Variants in NECTIN2 observed in about 807,000 individuals in gnomAD.
NECTIN2 encodes nectin-2.
In NECTIN2, 23 loss-of-function variants were observed where a neutral mutation model predicts 56.9. The observed-to-expected ratio is 0.40, with a 90% confidence interval of 0.29 to 0.57. The LOEUF is 0.57. Ranked by LOEUF, NECTIN2 falls within the 20% of genes least tolerant of loss-of-function variation. NECTIN2 has a pLI of 0.38. For synonymous variants in NECTIN2, 302 were observed against 313.8 expected (o/e 0.96, Z 0.40); for missense variants, 587 against 718.3 (o/e 0.82, Z 2.09).
At chr19:44,881,669 A>G (rs1287707868) in intron 5 of NECTIN2, among the ~76,000 whole-genome samples, 3 of 152,082 alleles carry the variant, frequency 2.0e-5, no homozygotes, top group African/African-American at 7.2e-5. Flanking sequence ...CCTGGGTGAC[A>G]AAGCGAGACC....
At chr19:44,852,979 G>C (rs1968918700) in intron 1 of NECTIN2, among the ~76,000 whole-genome samples, 1 of 151,902 alleles carries the variant, frequency 6.6e-6, no homozygotes, top group African/African-American at 2.4e-5. Flanking sequence ...AAGTATGGTG[G>C]TGCCCGCCTG....
intron 5 of NECTIN2, among the ~76,000 whole-genome samples, chr19:44,877,113 T>C (rs1199553851): frequency 6.6e-6 from 1 of 152,164 alleles, no homozygotes; most frequent in Non-Finnish European, 1.5e-5. Flanking sequence ...TTTTTAATGC[T>C]ATTTGTGAGT....
chr19:44,882,438 G>A (rs1321749553), intron 6 of NECTIN2, 74 bp downstream of exon 6: 30 of 1,260,866 alleles, frequency 2.4e-5, no homozygotes, highest in Admixed American at 4.1e-5. Flanking sequence ...GGGTGAGGGT[G>A]GGAGAAAATT....
chr19:44,847,514 G>A lies in NECTIN2; in HGVS notation c.88+901G>A, dbSNP rs1220554806. On this transcript the variant is annotated intron_variant, in intron 1 of 8. Transcript: ENST00000252483. Reference sequence around the variant, plus strand: ...TGAGATCCAAACAGAAGTGCGAGCAGCGGGCCCCGTCTCTTGGGCTCCAGA... The same window carrying A: ...TGAGATCCAAACAGAAGTGCGAGCAACGGGCCCCGTCTCTTGGGCTCCAGA... 3.3e-5 allele frequency among the ~76,000 whole-genome samples: 5 copies of A among 152,270 alleles called. No individual in the cohort carries two copies. The East Asian group carries it at 9.7e-4, about 29-fold the overall frequency.
At chr19:44,883,022 C>A (rs1055920337) in intron 6 of NECTIN2, among the ~76,000 whole-genome samples, 1 of 151,978 alleles carries the variant, frequency 6.6e-6, no homozygotes, top group African/African-American at 2.4e-5. Context: ...ACCTTGGGAT[C>A]CCCCCTCCTC....
intron 5 of NECTIN2, among the ~76,000 whole-genome samples, chr19:44,879,857 CAGTG>C (rs1969288613): frequency 4.6e-5 from 7 of 152,166 alleles, no homozygotes; most frequent in Non-Finnish European, 7.3e-5. Context: ...CTGTGCCAGG[CAGTG>C]CTGGGGCTGC....
Position 44,865,158 on chromosome 19 carries a change from C to A in NECTIN2, c.89-113C>A. The A allele has an allele frequency of 8.5e-7, 1 of 1,179,528 alleles. No individual in the cohort carries two copies. The highest frequency in any genetic ancestry group is 2.4e-5 in the East Asian group (1 of 42,014). The allele number at this position is 1,179,528 out of a possible 1,614,324, so 73.1% of individuals were successfully genotyped here. ...AATCAGGATGCTGCGAAGCTGCCTACGTTGCATGCGGAGCCTGCATTTCCC... is the reference window on the plus strand; with the variant it reads ...AATCAGGATGCTGCGAAGCTGCCTAAGTTGCATGCGGAGCCTGCATTTCCC... On this transcript the variant is annotated intron_variant, in intron 1 of 8. Coordinates refer to ENST00000252483, the MANE Select transcript of NECTIN2 (RefSeq NM_001042724.2). The surrounding 1 kb of genome is among the most constrained non-coding windows in gnomAD (Gnocchi z 5.2).
At chr19:44,877,341 C>G (rs955193008) in intron 5 of NECTIN2, among the ~76,000 whole-genome samples, 1 of 152,116 alleles carries the variant, frequency 6.6e-6, no homozygotes, top group Non-Finnish European at 1.5e-5. Context: ...GACTTCTGTC[C>G]CTGGCTTGGG....
intron 6 of NECTIN2, among the ~76,000 whole-genome samples, chr19:44,882,799 T>G (rs1599927643): frequency 9.7e-6 from 1 of 102,754 alleles, no homozygotes; most frequent in South Asian, 3.4e-4. Flanking sequence ...TTTTTTTTTT[T>G]GTGACGGAGT....
chr19:44,868,430 T>A (rs983448296), intron 2 of NECTIN2, among the ~76,000 whole-genome samples: 1 of 150,994 alleles, frequency 6.6e-6, no homozygotes, highest in Non-Finnish European at 1.5e-5. Flanking sequence ...CAGGGAAGAT[T>A]TTTTTTGAAG....
In NECTIN2 at chr19:44,875,789, G is replaced by A. The variant is rs1483519035; in HGVS notation, c.1042+1311G>A. ...TGCACACACACTTGCAGGGACACCC[G>A]AGGGAAAACAGACACCTCTTCAGGA... On this transcript the variant is annotated intron_variant, in intron 5 of 8. Transcript: ENST00000252483. This position sits in a 1 kb window ranked among gnomAD's most constrained non-coding sequence, Gnocchi z 4.2. Among the ~76,000 whole-genome samples the A allele has an allele frequency of 6.6e-6, 1 of 152,180 alleles. No individual in the cohort carries two copies. The highest frequency in any genetic ancestry group is 1.5e-5 in the Non-Finnish European group (1 of 68,034).
chr19:44,882,783 A>AT (rs35310219), intron 6 of NECTIN2, among the ~76,000 whole-genome samples: 2 of 119,832 alleles, frequency 1.7e-5, no homozygotes. Flanking sequence ...ATCCTACTAC[A>AT]TTTTTTTTTT....
At chr19:44,864,162 T>C (rs1461169434) in intron 1 of NECTIN2, among the ~76,000 whole-genome samples, 5 of 133,606 alleles carry the variant, frequency 3.7e-5, no homozygotes, top group Non-Finnish European at 6.7e-5. Context: ...TAGCGAGACA[T>C]TGTCTCTACC....
At chr19:44,864,012 T>TTTCCC (rs33951304) in intron 1 of NECTIN2, among the ~76,000 whole-genome samples, 1 of 146,514 alleles carries the variant, frequency 6.8e-6, no homozygotes, top group Non-Finnish European at 1.5e-5. Context: ...TTCAGAGGAT[T>TTTCCC]CCCCCCCCCC....
In NECTIN2 at chr19:44,849,695, T is replaced by C. The variant is rs1968878617; in HGVS notation, c.88+3082T>C. On this transcript the variant is annotated intron_variant, in intron 1 of 8. Transcript: ENST00000252483. Reference sequence around the variant, plus strand: ...ACAGTCAGAGACAGAAACAGAGACGTAGACCAGAAGGCTTGTGAGAAGAGA... The same window carrying C: ...ACAGTCAGAGACAGAAACAGAGACGCAGACCAGAAGGCTTGTGAGAAGAGA... Among the ~76,000 whole-genome samples, 3 of 151,872 alleles carry C rather than the reference T, an allele frequency of 2.0e-5. No individual in the cohort carries two copies. In the South Asian group the frequency reaches 6.2e-4, roughly 32 times the overall value.
intron 1 of NECTIN2, among the ~76,000 whole-genome samples, chr19:44,862,716 AAAAATTAAC>A (rs1969047699): frequency 6.6e-6 from 1 of 152,134 alleles, no homozygotes. Context: ...GTGAGGGTTG[AAAAATTAAC>A]TGTTGGAGGC....
intron 3 of NECTIN2, 49 bp from the exon 4 acceptor site, chr19:44,873,867 C>A: frequency 7.0e-7 from 1 of 1,427,574 alleles, no homozygotes; most frequent in South Asian, 1.2e-5. Context: ...CTTGTCCACC[C>A]GCTCTGGGAT....
At chr19:44,884,959 A>G (rs1969343523) in intron 6 of NECTIN2, among the ~76,000 whole-genome samples, 1 of 152,084 alleles carries the variant, frequency 6.6e-6, no homozygotes, top group African/African-American at 2.4e-5. Flanking sequence ...CACCTTGCTG[A>G]CGACCCAGAT....
intron 1 of NECTIN2, among the ~76,000 whole-genome samples, chr19:44,851,419 C>T (rs1448975494): frequency 6.7e-6 from 1 of 149,940 alleles, no homozygotes; most frequent in Non-Finnish European, 1.5e-5. Flanking sequence ...GGAATCCAGG[C>T]CCCCAGCCCC....
Sources: gnomAD v4.1 joint callset for allele counts (sites outside exome capture counted in the v4.1 genomes callset) on GRCh38, gnomAD v4.1.1 for gene constraint, Gnocchi (gnomAD v3.1) non-coding constraint, MANE v1.5 for transcripts, NCBI Gene and HGNC (gene_info 2026-07-23, HGNC 2026-07-21) for gene names.